The following HLA-DPB1 variants were observed in gnomAD, a reference collection of about 807,000 sequenced individuals.
HLA-DPB1 encodes the protein HLA class II histocompatibility antigen, DP beta 1 chain.
A neutral mutation model predicts 29.4 loss-of-function variants in HLA-DPB1; 30 were observed. The ratio of observed to expected loss-of-function variants is 1.02; its 90% CI spans 0.76 to 1.38. The LOEUF (loss-of-function observed/expected upper bound fraction) is 1.38, where lower values mean the gene tolerates loss of function less well. Among genes scored for constraint, HLA-DPB1 ranks in the 40% most tolerant of loss-of-function variants. The pLI, the probability that HLA-DPB1 is intolerant of heterozygous loss-of-function variation, is 0.00. For missense variants in HLA-DPB1, 261 were observed against 327.5 expected, an observed-to-expected ratio of 0.80 and a Z score of 1.57; for synonymous variants, 114 against 134.0, an observed-to-expected ratio of 0.85 and a Z score of 1.03.
At chr6:33,081,401 G>C (rs1391922971) in intron 2 of HLA-DPB1, among the ~76,000 whole-genome samples, 3 of 152,078 alleles carry the variant, frequency 2.0e-5, no homozygotes, top group Non-Finnish European at 2.9e-5. Flanking sequence ...AGACCATCCA[G>C]GGAGAGGGGA....
chr6:33,086,622 C>A lies in HLA-DPB1; in HGVS notation c.*88C>A. 1.9e-6 allele frequency: 1 copy of A among 519,446 alleles called. No homozygotes were observed. The highest frequency in any genetic ancestry group is 3.8e-6 in the Non-Finnish European group (1 of 265,888). 32.2% of individuals were successfully genotyped at this position (519,446 alleles called of 1,614,324 possible). On this transcript the variant is annotated 3_prime_UTR_variant, in exon 6 of 6. Coordinates refer to ENST00000418931, the MANE Select transcript of HLA-DPB1 (RefSeq NM_002121.6). Reference sequence around the variant, plus strand: ...GTTAGCATCTGGCTCCAGGACAGACCTTCAACTTCCAAATTGGATACTGCT... The same window carrying A: ...GTTAGCATCTGGCTCCAGGACAGACATTCAACTTCCAAATTGGATACTGCT...
chr6:33,081,210 A>G (rs75044777), intron 2 of HLA-DPB1: 17,306 of 497,724 alleles, frequency 0.035, 725 homozygotes, highest in African/African-American at 0.14. Context: ...GAAAAAAGGA[A>G]GCCACAGGAC....
intron 1 of HLA-DPB1, among the ~76,000 whole-genome samples, chr6:33,077,070 TC>T (rs1762577335): frequency 1.7e-5 from 1 of 58,660 alleles, no homozygotes. Flanking sequence ...CCCTCCCCCC[TC>T]CCCCCACCCC....
Position 33,076,073 on chromosome 6 carries a change from G to A in HLA-DPB1, c.32G>A (p.Arg11Gln), listed in dbSNP as rs1318704515. 6.2e-7 allele frequency: 1 copy of A among 1,612,538 alleles called. No homozygotes were observed. The highest frequency in any genetic ancestry group is 1.1e-5 in the South Asian group (1 of 90,828). The change falls in exon 1 of 6, where the codon CGG becomes CAG. Residue 11 changes from arginine to glutamine, a missense_variant. Physicochemically the swap from Arg to Gln is conservative, Grantham distance 43. Coordinates refer to ENST00000418931, the MANE Select transcript of HLA-DPB1 (RefSeq NM_002121.6). MMVLQVSAAP[R>Q]TVALTALLMV... ...GTTCTGCAGGTTTCTGCGGCCCCCC[G>A]GACAGTGGCTCTGACGGCGTTACTG...
In HLA-DPB1 at chr6:33,088,430, C is replaced by A. The variant is rs3130186; in HGVS notation, c.*1896C>A. 6.6e-6 allele frequency among the ~76,000 whole-genome samples: 1 copy of A among 152,054 alleles called. No homozygotes were observed. The highest frequency in any genetic ancestry group is 2.1e-4 in the South Asian group (1 of 4,822). ...GGTATCTGCACCCACATTACAGGAACAGGATATGTGCTCCTAGGGAACTGA... is the reference window on the plus strand; with the variant it reads ...GGTATCTGCACCCACATTACAGGAAAAGGATATGTGCTCCTAGGGAACTGA... On this transcript the variant is annotated 3_prime_UTR_variant, in exon 6 of 6. Coordinates refer to ENST00000418931, the MANE Select transcript of HLA-DPB1 (RefSeq NM_002121.6).
At position 33,085,841 on chromosome 6, in the gene HLA-DPB1, C is replaced by T. The variant is rs1228462540; in HGVS notation, c.709C>T (p.Leu237Phe). 2 of 1,613,842 alleles carry T rather than the reference C, an allele frequency of 1.2e-6. No homozygotes were observed. Among genetic ancestry groups the T allele is most frequent in the African/African-American group, 1.3e-5 (1 of 74,884 alleles). Residue 237 changes from leucine (L) to phenylalanine (F), a missense_variant, in exon 4 of 6, where the codon CTC becomes TTC. Coordinates refer to ENST00000418931, the MANE Select transcript of HLA-DPB1 (RefSeq NM_002121.6). ...GGGAGCTGGGGGCTTCGTGCTGGGG[C>T]TCATCATCTGTGGAGTGGGCATCTT... ...LTGAGGFVLG[L>F]IICGVGIFMH...
Position 33,080,328 on chromosome 6 carries a change from C to A in HLA-DPB1, c.101-344C>A. Reference sequence around the variant, plus strand: ...CCTCCACGTCCCCAGCTCCTCCCGCCCCTGTTTTTTCTCCCAGTGACCCCA... The same window carrying A: ...CCTCCACGTCCCCAGCTCCTCCCGCACCTGTTTTTTCTCCCAGTGACCCCA... On this transcript the variant is annotated intron_variant, in intron 1 of 5. Coordinates refer to ENST00000418931, the MANE Select transcript of HLA-DPB1 (RefSeq NM_002121.6). This position sits in a 1 kb window ranked among gnomAD's most constrained non-coding sequence, Gnocchi z 4.3. 2.0e-6 allele frequency: 1 copy of A among 489,866 alleles called. No individual in the cohort carries two copies. The allele number at this position is 489,866 out of a possible 1,614,324, so 30.3% of individuals were successfully genotyped here. A position where few individuals can be genotyped will look rare whatever the true frequency, so the allele number is the denominator to read the frequency against.
rs1026959336 is a variant in HLA-DPB1, at chr6:33,089,214, A to G, written c.*2680A>G. On this transcript the variant is annotated 3_prime_UTR_variant, in exon 6 of 6. Coordinates refer to ENST00000418931, the MANE Select transcript of HLA-DPB1 (RefSeq NM_002121.6). The stretch of plus-strand genomic sequence containing the variant: ...AGTTGATGCCTTTTGAGCATGTTGC[A>G]TTGTAAACTGTCCCTGAAATTACTG... Among the ~76,000 whole-genome samples, 7 of 152,186 alleles carry G rather than the reference A, an allele frequency of 4.6e-5. No homozygotes were observed. The highest frequency in any genetic ancestry group is 1.7e-4 in the African/African-American group (7 of 41,438).
rs188094506 is a variant in HLA-DPB1 at position 33,084,310 on chromosome 6, G to A, written c.365-640G>A. Among the ~76,000 whole-genome samples the A allele has an allele frequency of 8.5e-5, 13 of 152,262 alleles. 1 individual carries two copies. The highest frequency in any genetic ancestry group is 1.6e-4 in the Non-Finnish European group (11 of 68,030). On this transcript the variant is annotated intron_variant, in intron 2 of 5. Coordinates refer to ENST00000418931, the MANE Select transcript of HLA-DPB1 (RefSeq NM_002121.6). ...ATTTCTCCTAAATGTGCTACAGAGT[G>A]CAAACTCTGTCTCCCTGCCATTCCG...
intron 3 of HLA-DPB1, 94 bp from the exon 4 acceptor site, chr6:33,085,685 C>T (rs1179363157): frequency 1.3e-5 from 11 of 879,280 alleles, no homozygotes; most frequent in African/African-American, 1.2e-4. Context: ...GTCCTCATCC[C>T]GATATGCTGC....
At chr6:33,081,390 G>T (rs1762858416) in intron 2 of HLA-DPB1, among the ~76,000 whole-genome samples, 1 of 152,048 alleles carries the variant, frequency 6.6e-6, no homozygotes, top group Non-Finnish European at 1.5e-5. Context: ...TGAGATACAT[G>T]AGACCATCCA....
chr6:33,089,581 A>C lies in HLA-DPB1; in HGVS notation c.*3047A>C, dbSNP rs1763262237. Among the ~76,000 whole-genome samples the C allele has an allele frequency of 6.6e-6, 1 of 152,220 alleles. No homozygotes were observed. Among genetic ancestry groups the C allele is most frequent in the Non-Finnish European group, 1.5e-5 (1 of 68,040 alleles). ...AGAAAGAACACACTTCTCGCATTTCATTTTCCAATGTAAATCATATGGCTG... is the reference window on the plus strand; with the variant it reads ...AGAAAGAACACACTTCTCGCATTTCCTTTTCCAATGTAAATCATATGGCTG... On this transcript the variant is annotated 3_prime_UTR_variant, in exon 6 of 6. Coordinates refer to ENST00000418931, the MANE Select transcript of HLA-DPB1 (RefSeq NM_002121.6).
intron 1 of HLA-DPB1, among the ~76,000 whole-genome samples, chr6:33,078,196 G>T (rs549264963): frequency 5.9e-5 from 9 of 152,290 alleles, no homozygotes; most frequent in Admixed American, 2.6e-4. Context: ...GACGGGCAAA[G>T]GCTGGGTTGA....
Position 33,086,204 on chromosome 6 carries a change from C to T in HLA-DPB1, c.758-15C>T, listed in dbSNP as rs376457975. 6 of 1,566,222 alleles carry T rather than the reference C, an allele frequency of 3.8e-6. No homozygotes were observed. Among genetic ancestry groups the T allele is most frequent in the South Asian group, 2.2e-5 (2 of 90,016 alleles). On this transcript the variant is annotated splice_polypyrimidine_tract_variant and intron_variant, in intron 4 of 5. Coordinates refer to ENST00000418931, the MANE Select transcript of HLA-DPB1 (RefSeq NM_002121.6). ...TTCAATGGCTGATTATATAACCTTT[C>T]GTCTTTCATTTCAGTTCAACGAGGA...
At chr6:33,078,407 C>T (rs1369790605) in intron 1 of HLA-DPB1, among the ~76,000 whole-genome samples, 1 of 152,130 alleles carries the variant, frequency 6.6e-6, no homozygotes, top group Non-Finnish European at 1.5e-5. Context: ...CATCCCCAAC[C>T]TCAAACAGGG....
rs961384973 is a variant in HLA-DPB1 at position 33,088,738 on chromosome 6, T to A, written c.*2204T>A. The stretch of plus-strand genomic sequence containing the variant: ...CAAAGGCAGCCAGGAGGTAGAGGAG[T>A]CTTGAGGTACATCAGTCATTGGAGT... On this transcript the variant is annotated 3_prime_UTR_variant, in exon 6 of 6. Transcript: ENST00000418931. Among the ~76,000 whole-genome samples the A allele has an allele frequency of 1.3e-5, 2 of 151,674 alleles. No homozygotes were observed. Among genetic ancestry groups the A allele is most frequent in the Non-Finnish European group, 2.9e-5 (2 of 67,942 alleles).
chr6:33,082,419 G>C (rs9277376), intron 2 of HLA-DPB1, among the ~76,000 whole-genome samples: 56,893 of 150,690 alleles, frequency 0.38, 12,192 homozygotes, highest in East Asian at 0.63. Flanking sequence ...TCCAGACTCA[G>C]TGCCCCCAGA....
intron 1 of HLA-DPB1, among the ~76,000 whole-genome samples, chr6:33,078,619 T>G (rs1156939772): frequency 3.8e-5 from 5 of 132,116 alleles, no homozygotes; most frequent in African/African-American, 1.3e-4. Flanking sequence ...ATAAAGTTTC[T>G]TATATACAAA....
Position 33,085,092 on chromosome 6 carries a change from C to G in HLA-DPB1, c.507C>G (p.Val169=). The stretch of plus-strand genomic sequence containing the variant: ...ATGGACAGGAGGAAACAGCTGGGGT[C>G]GTGTCCACCAACCTGATCCGTAATG... ...FLNGQEETAG[V]VSTNLIRNGD... is the part of the protein sequence containing the mutation. Residue 169 remains valine, a synonymous_variant, in exon 3 of 6, where the codon GTC becomes GTG. Coordinates refer to ENST00000418931, the MANE Select transcript of HLA-DPB1 (RefSeq NM_002121.6). 1 of 1,613,804 alleles carries G rather than the reference C, an allele frequency of 6.2e-7. No homozygotes were observed. Among genetic ancestry groups the G allele is most frequent in the Non-Finnish European group, 8.5e-7 (1 of 1,179,998 alleles).
Sources: gnomAD v4.1 joint callset for allele counts (sites outside exome capture counted in the v4.1 genomes callset) on GRCh38, gnomAD v4.1.1 for gene constraint, Gnocchi (gnomAD v3.1) non-coding constraint, MANE v1.5 for transcripts, NCBI Gene and HGNC (gene_info 2026-07-23, HGNC 2026-07-21) for gene names.